Variants in PCDHGA2 observed in about 807,000 individuals in gnomAD.
PCDHGA2 encodes the protein protocadherin gamma subfamily A, 2.
A neutral mutation model predicts 59.2 loss-of-function variants in PCDHGA2; 40 were observed. That is an observed-to-expected ratio of 0.68 (90% CI 0.52 to 0.88). The LOEUF (loss-of-function observed/expected upper bound fraction) is 0.88. Among genes scored for constraint, PCDHGA2 ranks in the 40% least tolerant of loss-of-function variants. The probability of loss-of-function intolerance (pLI) is 0.00; values close to 1 mark genes in which losing one functional copy is unlikely to be tolerated. For synonymous variants in PCDHGA2, 560 were observed against 526.0 expected (o/e 1.06, Z -0.89); for missense variants, 1,226 against 1,204.0 (o/e 1.02, Z -0.27).
In PCDHGA2 at chr5:141,357,153, G is replaced by C; in HGVS notation, c.2424+15758G>C. On this transcript the variant is annotated intron_variant, in intron 1 of 3. Coordinates refer to ENST00000394576, the MANE Select transcript of PCDHGA2 (RefSeq NM_018915.4). ...TAGTGGTCGTCCAGGACCATGGCCA[G>C]CCCCCTCTCTCGGCCACCGTCACAC... is the stretch of plus-strand genomic sequence containing the variant. The C allele has an allele frequency of 1.9e-6, 3 of 1,613,624 alleles. No homozygotes were observed. The South Asian group carries it at 3.3e-5, about 18-fold the overall frequency.
At position 141,426,001 on chromosome 5, in the gene PCDHGA2, T is replaced by C. The variant is rs553657872; in HGVS notation, c.2425-68806T>C. Among the ~76,000 whole-genome samples, 3 of 152,318 alleles carry C rather than the reference T, an allele frequency of 2.0e-5. No individual in the cohort carries two copies. In the South Asian group the frequency reaches 6.2e-4, roughly 32 times the overall value. The stretch of plus-strand genomic sequence containing the variant: ...TGAATCCCATTGAATTAGCAAAGGC[T>C]TCCGGCTGCAGTTTTCTAAATAGAC... On this transcript the variant is annotated intron_variant, in intron 1 of 3. Transcript: ENST00000394576.
At chr5:141,405,074 G>A (rs536930748) in intron 1 of PCDHGA2, 7 of 1,613,794 alleles carry the variant, frequency 4.3e-6, no homozygotes, top group Non-Finnish European at 5.1e-6. Context: ...CCTCACCTTC[G>A]TTATCACGCT....
At chr5:141,415,450 C>A (rs774745130) in intron 1 of PCDHGA2, 44 of 1,614,086 alleles carry the variant, frequency 2.7e-5, no homozygotes, top group Non-Finnish European at 3.4e-5. Context: ...GACCTATTCC[C>A]ACGAGGTCTC....
At chr5:141,448,216 G>A (rs766377717) in intron 1 of PCDHGA2, among the ~76,000 whole-genome samples, 41 of 152,046 alleles carry the variant, frequency 2.7e-4, no homozygotes, top group African/African-American at 1.7e-4. Context: ...GTGTGTATGC[G>A]AATGTATGTG....
intron 1 of PCDHGA2, chr5:141,478,803 T>G: frequency 2.1e-6 from 3 of 1,463,244 alleles, no homozygotes; most frequent in Non-Finnish European, 2.7e-6. Context: ...AGCACTCTTT[T>G]GCTATCACAA....
At position 141,395,542 on chromosome 5, in the gene PCDHGA2, T is replaced by TTG. The variant is rs55729045; in HGVS notation, c.2424+54195_2424+54196dup. On this transcript the variant is annotated intron_variant, in intron 1 of 3. Transcript: ENST00000394576. ...TCCATACTGGTAATTTTGCTATTGT[T>TTG]TGTGTGTGTGTGTGTGTGTGTGTGT... 1.5e-3 allele frequency: 267 copies of TTG among 172,614 alleles called. 1 individual carries two copies. The highest frequency in any genetic ancestry group is 2.3e-3 in the African/African-American group (40 of 17,550). The allele number at this position is 172,614 out of a possible 1,614,324, so 10.7% of individuals were successfully genotyped here.
At chr5:141,413,729 G>C (rs2095671676) in intron 1 of PCDHGA2, 1 of 1,613,378 alleles carries the variant, frequency 6.2e-7, no homozygotes, top group Non-Finnish European at 8.5e-7. Flanking sequence ...TTCTCCCTAA[G>C]AGTTCAGAGC....
chr5:141,512,395 C>T lies in PCDHGA2; in HGVS notation c.*1222C>T, dbSNP rs1229077213. ...ACCAAATGAACAGAAAGTCTCAGCCCAGGATGGGGCTTCTTCAACAGGGCC... is the reference window on the plus strand; with the variant it reads ...ACCAAATGAACAGAAAGTCTCAGCCTAGGATGGGGCTTCTTCAACAGGGCC... On this transcript the variant is annotated 3_prime_UTR_variant, in exon 4 of 4. Coordinates refer to ENST00000394576, the MANE Select transcript of PCDHGA2 (RefSeq NM_018915.4). 1 of 152,690 alleles carries T rather than the reference C, an allele frequency of 6.5e-6. No individual in the cohort carries two copies. Among genetic ancestry groups the T allele is most frequent in the Non-Finnish European group, 1.5e-5 (1 of 68,072 alleles). The allele number at this position is 152,690 out of a possible 1,614,324, so 9.5% of individuals were successfully genotyped here.
chr5:141,381,197 G>A (rs775518407), intron 1 of PCDHGA2, among the ~76,000 whole-genome samples: 1 of 152,232 alleles, frequency 6.6e-6, no homozygotes, highest in African/African-American at 2.4e-5. Context: ...CTTTCTTAGT[G>A]TTAGTTCTGG....
chr5:141,345,530 G>C (rs1757590501), intron 1 of PCDHGA2: 2 of 1,613,972 alleles, frequency 1.2e-6, no homozygotes, highest in Non-Finnish European at 1.7e-6. Flanking sequence ...TCCAGGGGGC[G>C]CCCCTGTCCT....
At chr5:141,344,212 C>G in intron 1 of PCDHGA2, 1 of 1,613,992 alleles carries the variant, frequency 6.2e-7, no homozygotes, top group Admixed American at 1.7e-5. Flanking sequence ...CGGGAGCTGG[C>G]GGAGCGCGGA....
At chr5:141,360,595 C>T (rs972371698) in intron 1 of PCDHGA2, 2 of 1,614,020 alleles carry the variant, frequency 1.2e-6, no homozygotes, top group African/African-American at 1.3e-5. Context: ...AACATTTCCA[C>T]TTGACCCAGC....
At chr5:141,478,891 A>G (rs1045274228) in intron 1 of PCDHGA2, 10 of 1,122,064 alleles carry the variant, frequency 8.9e-6, no homozygotes, top group Admixed American at 3.1e-5. Context: ...TATCATTTAC[A>G]TTAGGAATAA....
At chr5:141,384,653 G>T in intron 1 of PCDHGA2, 1 of 1,614,222 alleles carries the variant, frequency 6.2e-7, no homozygotes, top group Non-Finnish European at 8.5e-7. Context: ...GCAGAGCCCG[G>T]CTACCTGGTG....
At chr5:141,389,823 G>C in intron 1 of PCDHGA2, 11 of 1,613,944 alleles carry the variant, frequency 6.8e-6, no homozygotes, top group Non-Finnish European at 6.8e-6. Flanking sequence ...CGTGCGTGAC[G>C]GTGGACAGCC....
At chr5:141,395,815 A>T (rs1243382510) in intron 1 of PCDHGA2, 1 of 152,044 alleles carries the variant, frequency 6.6e-6, no homozygotes, top group Non-Finnish European at 1.5e-5. Context: ...AAACATGAAC[A>T]AACTTTAAAG....
intron 1 of PCDHGA2, chr5:141,399,517 G>A: frequency 1.9e-6 from 3 of 1,613,998 alleles, no homozygotes; most frequent in Non-Finnish European, 2.5e-6. Flanking sequence ...CAACCCTCCT[G>A]GGGCCTCCAT....
rs375915850 is a variant in PCDHGA2, at chr5:141,397,975, G to A, written c.2424+56580G>A. The A allele has an allele frequency of 2.3e-4, 272 of 1,189,006 alleles. 1 individual carries two copies. Among genetic ancestry groups the A allele is most frequent in the African/African-American group, 9.9e-4 (64 of 64,918 alleles). 73.7% of individuals were successfully genotyped at this position (1,189,006 alleles called of 1,614,324 possible). ...GCCCCAGCTCAGACTCCCCAGCGCC[G>A]GCCTTTACACCGCTTCCTCCTCGGA... On this transcript the variant is annotated intron_variant, in intron 1 of 3. Transcript: ENST00000394576.
intron 1 of PCDHGA2, among the ~76,000 whole-genome samples, chr5:141,455,419 G>T (rs1462099602): frequency 6.6e-6 from 1 of 152,124 alleles, no homozygotes; most frequent in Non-Finnish European, 1.5e-5. Flanking sequence ...AGGGAGCGGG[G>T]CTCCAAAAGA....
Sources: gnomAD v4.1 joint callset for allele counts (sites outside exome capture counted in the v4.1 genomes callset) on GRCh38, gnomAD v4.1.1 for gene constraint, MANE v1.5 for transcripts, NCBI Gene and HGNC (gene_info 2026-07-23, HGNC 2026-07-21) for gene names.